Variants in ARNT2 observed in about 807,000 individuals in gnomAD.
The protein encoded by ARNT2 is aryl hydrocarbon receptor nuclear translocator 2.
ARNT2 carries 36 observed loss-of-function variants against 91.7 expected under a neutral mutation model. That is an observed-to-expected ratio of 0.39 (90% CI 0.30 to 0.52). ARNT2 has a LOEUF of 0.52. Among genes scored for constraint, ARNT2 ranks in the 20% least tolerant of loss-of-function variants. The pLI, the probability that ARNT2 is intolerant of heterozygous loss-of-function variation, is 0.72. For missense variants in ARNT2, 775 were observed against 939.3 expected (o/e 0.83, Z 2.29); for synonymous variants, 365 against 347.1 (o/e 1.05, Z -0.57).
Position 80,597,056 on chromosome 15 carries a change from G to T in ARNT2, c.*3358G>T, listed in dbSNP as rs1470927538. 4.2e-6 allele frequency: 2 copies of T among 477,746 alleles called. No homozygotes were observed. Among genetic ancestry groups the T allele is most frequent in the Non-Finnish European group, 8.4e-6 (2 of 239,290 alleles). The allele number at this position is 477,746 out of a possible 1,614,324, so 29.6% of individuals were successfully genotyped here. ...GACGTGAATGTTGCAGAGAGTGGGG[G>T]GATTCTGGTTGTTAAGGAACTTACA... is the stretch of plus-strand genomic sequence containing the variant. On this transcript the variant is annotated 3_prime_UTR_variant, in exon 19 of 19. Coordinates refer to ENST00000303329, the MANE Select transcript of ARNT2 (RefSeq NM_014862.4).
At position 80,575,020 on chromosome 15, in the gene ARNT2, G is replaced by C; in HGVS notation, c.1423G>C (p.Glu475Gln). Reference sequence around the variant, plus strand: ...CCCCAACCTACCAGCCGGTGTTCATGAGGCCGGGAAGTCCGTGGAAAAGGC... The same window carrying C: ...CCCCAACCTACCAGCCGGTGTTCATCAGGCCGGGAAGTCCGTGGAAAAGGC... ...PVPNLPAGVH[E>Q]AGKSVEKADA... Residue 475 changes from glutamate to glutamine, a missense_variant, in exon 14 of 19, where the codon GAG (glutamate) becomes CAG (glutamine). By Grantham distance (29) the Glu-to-Gln change is conservative (BLOSUM62 2). Coordinates refer to ENST00000303329, the MANE Select transcript of ARNT2 (RefSeq NM_014862.4). 6.2e-7 allele frequency: 1 copy of C among 1,614,226 alleles called. No individual in the cohort carries two copies. The highest frequency in any genetic ancestry group is 8.5e-7 in the Non-Finnish European group (1 of 1,180,030).
Position 80,437,287 on chromosome 15 carries a change from G to A in ARNT2, c.32-13593G>A, listed in dbSNP as rs147026626. Among the ~76,000 whole-genome samples the A allele has an allele frequency of 1.1e-3, 162 of 152,200 alleles. 3 individuals carry two copies. In the East Asian group the frequency reaches 0.026, roughly 25 times the overall value. Reference sequence around the variant, plus strand: ...TGCCCCGACTTCAGAGCTGGTGGCGGTGTCTCCCCCACCTTGAATAACTCA... The same window carrying A: ...TGCCCCGACTTCAGAGCTGGTGGCGATGTCTCCCCCACCTTGAATAACTCA... On this transcript the variant is annotated intron_variant, in intron 1 of 18. Coordinates refer to ENST00000303329, the MANE Select transcript of ARNT2 (RefSeq NM_014862.4).
chr15:80,472,153 A>T (rs984573642), intron 4 of ARNT2, among the ~76,000 whole-genome samples: 1 of 152,168 alleles, frequency 6.6e-6, no homozygotes, highest in Non-Finnish European at 1.5e-5. Flanking sequence ...TTGTCAGGGC[A>T]TGCAGTTAGG....
chr15:80,507,479 G>A (rs985283907), intron 5 of ARNT2, among the ~76,000 whole-genome samples: 5 of 152,170 alleles, frequency 3.3e-5, no homozygotes, highest in African/African-American at 1.2e-4. Context: ...AGTGGGTGAA[G>A]CTGCTTTTGC....
chr15:80,590,215 A>T (rs1596028326), intron 17 of ARNT2, among the ~76,000 whole-genome samples: 1 of 152,194 alleles, frequency 6.6e-6, no homozygotes, highest in African/African-American at 2.4e-5. Context: ...ATGGGACAAG[A>T]TGGGGCTTCT....
At chr15:80,559,276 C>T (rs1428201639) in intron 11 of ARNT2, among the ~76,000 whole-genome samples, 4 of 152,268 alleles carry the variant, frequency 2.6e-5, no homozygotes, top group Non-Finnish European at 5.9e-5. Context: ...CACCACATTT[C>T]TCCAGTGGGA....
At chr15:80,568,402 C>T (rs1898524581) in intron 12 of ARNT2, among the ~76,000 whole-genome samples, 1 of 152,174 alleles carries the variant, frequency 6.6e-6, no homozygotes. Context: ...ATTGTTCCAA[C>T]GTTGTCATAA....
chr15:80,404,476 C>A lies in ARNT2; in HGVS notation c.-40C>A, dbSNP rs1461677463. The A allele has an allele frequency of 8.2e-7, 1 of 1,214,122 alleles. No individual in the cohort carries two copies. Among genetic ancestry groups the A allele is most frequent in the South Asian group, 1.6e-5 (1 of 60,994 alleles). The allele number at this position is 1,214,122 out of a possible 1,614,324, so 75.2% of individuals were successfully genotyped here. A position where few individuals can be genotyped will look rare whatever the true frequency, so the allele number is the denominator to read the frequency against. On this transcript the variant is annotated 5_prime_UTR_variant, in exon 1 of 19. Transcript: ENST00000303329. This position sits in a 1 kb window ranked among gnomAD's most constrained non-coding sequence, Gnocchi z 5.5. ...GCGCCGGGCTCCGCGCCGCCCCTCC[C>A]GCGCCCCTGCCAAGCGGGCGCCTAT...
At chr15:80,527,975 G>T (rs535717970) in intron 8 of ARNT2, among the ~76,000 whole-genome samples, 1 of 152,162 alleles carries the variant, frequency 6.6e-6, no homozygotes, top group African/African-American at 2.4e-5. Context: ...TACACTGAAG[G>T]TTTTAAATTA....
chr15:80,518,064 T>C (rs559023362), intron 8 of ARNT2, among the ~76,000 whole-genome samples: 1 of 152,240 alleles, frequency 6.6e-6, no homozygotes, highest in African/African-American at 2.4e-5. Context: ...TTGTAATTCT[T>C]TGTTGAAATC....
intron 1 of ARNT2, among the ~76,000 whole-genome samples, chr15:80,406,814 T>G (rs1451487756): frequency 1.3e-5 from 2 of 152,218 alleles, no homozygotes; most frequent in African/African-American, 2.4e-5. Context: ...TTCCTTGAGG[T>G]GATCACCTTT....
intron 18 of ARNT2, among the ~76,000 whole-genome samples, chr15:80,593,079 G>A (rs984850541): frequency 2.0e-4 from 30 of 152,274 alleles, no homozygotes; most frequent in Admixed American, 2.6e-4. Context: ...TGCTATTCCC[G>A]TTTTCTGGAT....
intron 1 of ARNT2, among the ~76,000 whole-genome samples, chr15:80,426,356 G>A (rs1050423032): frequency 1.3e-5 from 2 of 152,190 alleles, no homozygotes; most frequent in Admixed American, 1.3e-4. Flanking sequence ...ACCACACCAT[G>A]GTCCTGTTGG....
chr15:80,423,866 A>AAT (rs1322179180), intron 1 of ARNT2, among the ~76,000 whole-genome samples: 1 of 152,158 alleles, frequency 6.6e-6, no homozygotes, highest in Non-Finnish European at 1.5e-5. Context: ...ACTAACTCTT[A>AAT]GACAATCCAT....
chr15:80,584,470 C>T (rs753016736), intron 17 of ARNT2, among the ~76,000 whole-genome samples: 6 of 151,958 alleles, frequency 3.9e-5, no homozygotes, highest in Non-Finnish European at 8.8e-5. Flanking sequence ...TGGTTACTCC[C>T]GAGGGCACAG....
At chr15:80,410,778 AT>A in intron 1 of ARNT2, among the ~76,000 whole-genome samples, 1 of 150,596 alleles carries the variant, frequency 6.6e-6, no homozygotes, top group South Asian at 2.1e-4. Flanking sequence ...CTATCTATCT[AT>A]CTATCTATCT....
intron 1 of ARNT2, among the ~76,000 whole-genome samples, chr15:80,445,520 T>G (rs950669493): frequency 6.6e-6 from 1 of 150,944 alleles, no homozygotes; most frequent in Non-Finnish European, 1.5e-5. Context: ...TGTGTTGATG[T>G]GATGATGTGT....
intron 5 of ARNT2, among the ~76,000 whole-genome samples, chr15:80,491,804 T>TA (rs1207228860): frequency 6.7e-6 from 1 of 148,448 alleles, no homozygotes; most frequent in African/African-American, 2.5e-5. Context: ...GCCTTTTTTT[T>TA]TTTTTTTTTT....
chr15:80,538,770 C>T (rs1897860900), intron 8 of ARNT2, among the ~76,000 whole-genome samples: 1 of 151,648 alleles, frequency 6.6e-6, no homozygotes, highest in Admixed American at 6.6e-5. Flanking sequence ...AATTAGAAAA[C>T]CAAAGTATTA....
Sources: allele counts gnomAD v4.1 joint callset (sites outside exome capture counted in the v4.1 genomes callset), GRCh38; gene constraint gnomAD v4.1.1; non-coding constraint Gnocchi (gnomAD v3.1); transcripts MANE v1.5; gene names NCBI Gene and HGNC (gene_info 2026-07-23, HGNC 2026-07-21).